The following PKIB variants were observed in gnomAD, a reference collection of about 807,000 sequenced individuals.
The protein encoded by PKIB is cAMP-dependent protein kinase inhibitor beta.
A neutral mutation model predicts 4.5 loss-of-function variants in PKIB; 2 were observed. The ratio of observed to expected loss-of-function variants is 0.44; its 90% CI spans 0.18 to 1.39. PKIB has a LOEUF of 1.39. Among genes scored for constraint, PKIB ranks in the 40% most tolerant of loss-of-function variants. The pLI, the probability that PKIB is intolerant of heterozygous loss-of-function variation, is 0.27. For synonymous variants in PKIB, 38 were observed against 36.0 expected (o/e 1.06, Z -0.20); for missense variants, 94 against 92.6 (o/e 1.02, Z -0.06).
At chr6:122,713,191 C>T (rs1179032998) in intron 3 of PKIB, among the ~76,000 whole-genome samples, 3 of 152,032 alleles carry the variant, frequency 2.0e-5, no homozygotes, top group Non-Finnish European at 2.9e-5. Flanking sequence ...ACGTAAATTG[C>T]GTTACCTTGC....
intron 2 of PKIB, among the ~76,000 whole-genome samples, chr6:122,566,681 C>A (rs1178478934): frequency 6.6e-6 from 1 of 151,484 alleles, no homozygotes; most frequent in Non-Finnish European, 1.5e-5. Flanking sequence ...TTCTCTTTAT[C>A]CCCCTGCACA....
chr6:122,521,184 T>C (rs1367777811), intron 2 of PKIB, among the ~76,000 whole-genome samples: 1 of 152,204 alleles, frequency 6.6e-6, no homozygotes, highest in Non-Finnish European at 1.5e-5. Flanking sequence ...TTCGGAAAAC[T>C]TAGTGGATCG....
chr6:122,659,561 A>T (rs1253196503), intron 2 of PKIB, among the ~76,000 whole-genome samples: 1 of 152,196 alleles, frequency 6.6e-6, no homozygotes, highest in African/African-American at 2.4e-5. Flanking sequence ...TTTCCTTTCA[A>T]ACAGTGAAAC....
chr6:122,603,131 T>G (rs1053986915), intron 3 of PKIB, among the ~76,000 whole-genome samples: 2 of 152,112 alleles, frequency 1.3e-5, no homozygotes, highest in African/African-American at 4.8e-5. Context: ...TATGGTTAAA[T>G]TAGAGTTTAT....
chr6:122,582,630 GTTC>G (rs1013860215), intron 2 of PKIB, among the ~76,000 whole-genome samples: 1 of 152,018 alleles, frequency 6.6e-6, no homozygotes. Context: ...TCTATCCTAT[GTTC>G]TTATAACAGA....
At chr6:122,572,614 A>G (rs548247162) in intron 2 of PKIB, among the ~76,000 whole-genome samples, 1 of 152,062 alleles carries the variant, frequency 6.6e-6, no homozygotes, top group South Asian at 2.1e-4. Context: ...AGAAGGAAAA[A>G]AAAAACAAAG....
At chr6:122,556,175 C>G (rs964479995) in intron 2 of PKIB, among the ~76,000 whole-genome samples, 41 of 152,144 alleles carry the variant, frequency 2.7e-4, no homozygotes, top group African/African-American at 9.9e-4. Flanking sequence ...AGGGCTTTTC[C>G]TGCCTTTGCT....
chr6:122,599,453 G>A lies in PKIB; in HGVS notation c.-161+13446G>A, dbSNP rs117467473. ...ATTTTTCATTGCAGGTCAGCCACTCGCACGATAAGAGCTTATATCTGTTTT... is the reference window on the plus strand; with the variant it reads ...ATTTTTCATTGCAGGTCAGCCACTCACACGATAAGAGCTTATATCTGTTTT... On this transcript the variant is annotated intron_variant, in intron 3 of 6. Coordinates refer to the PKIB transcript ENST00000392491. Among the ~76,000 whole-genome samples the A allele has an allele frequency of 2.0e-3, 310 of 152,200 alleles. 7 individuals carry two copies. In the East Asian group the frequency reaches 0.041, roughly 20 times the overall value.
chr6:122,691,987 C>T (rs1778375659), intron 3 of PKIB, among the ~76,000 whole-genome samples: 1 of 152,182 alleles, frequency 6.6e-6, no homozygotes, highest in Non-Finnish European at 1.5e-5. Context: ...CAGAAGAATA[C>T]TCTGTATTAC....
chr6:122,484,765 C>G (rs1330584986), intron 2 of PKIB, among the ~76,000 whole-genome samples: 1 of 152,174 alleles, frequency 6.6e-6, no homozygotes, highest in Non-Finnish European at 1.5e-5. Flanking sequence ...TAGGAAAACA[C>G]TATTAAAATG....
At chr6:122,507,780 G>A (rs748842399) in intron 2 of PKIB, among the ~76,000 whole-genome samples, 11 of 151,184 alleles carry the variant, frequency 7.3e-5, no homozygotes, top group Admixed American at 2.0e-4. Flanking sequence ...CCTCTTTCCC[G>A]TGTAATAACT....
chr6:122,662,169 A>T (rs1461634675), intron 2 of PKIB, among the ~76,000 whole-genome samples: 1 of 151,812 alleles, frequency 6.6e-6, no homozygotes, highest in Non-Finnish European at 1.5e-5. Flanking sequence ...TGATGGTGTC[A>T]TTTGGTGCAC....
chr6:122,710,643 A>T (rs1224067870), intron 3 of PKIB, among the ~76,000 whole-genome samples: 2 of 152,126 alleles, frequency 1.3e-5, no homozygotes, highest in Non-Finnish European at 2.9e-5. Context: ...CTATCCTGGA[A>T]TTAAGCGCTG....
chr6:122,506,095 C>G (rs1776388256), intron 2 of PKIB, among the ~76,000 whole-genome samples: 1 of 151,862 alleles, frequency 6.6e-6, no homozygotes, highest in Non-Finnish European at 1.5e-5. Flanking sequence ...ATTTTTGTGA[C>G]CATATGAATG....
chr6:122,691,185 C>A (rs946572296), intron 3 of PKIB, among the ~76,000 whole-genome samples: 3 of 151,900 alleles, frequency 2.0e-5, no homozygotes, highest in African/African-American at 7.3e-5. Context: ...GTTAAATATT[C>A]TTGATATTCT....
At chr6:122,665,369 T>C (rs1223384718) in intron 2 of PKIB, among the ~76,000 whole-genome samples, 1 of 152,226 alleles carries the variant, frequency 6.6e-6, no homozygotes, top group East Asian at 1.9e-4. Context: ...TATTTCAAAT[T>C]ATTTTCTTAG....
chr6:122,626,100 A>ATAGATAGATAGATAGATAGAGG (rs1775433014), intron 1 of PKIB, among the ~76,000 whole-genome samples: 1 of 151,682 alleles, frequency 6.6e-6, no homozygotes, highest in South Asian at 2.1e-4. Flanking sequence ...ATAGATAGAG[A>ATAGATAGATAGATAGATAGAGG]TAGATTAGAA....
chr6:122,546,537 T>C (rs1189562120), intron 2 of PKIB, among the ~76,000 whole-genome samples: 1 of 152,098 alleles, frequency 6.6e-6, no homozygotes, highest in African/African-American at 2.4e-5. Context: ...ATTTTAAAAT[T>C]ACATGTAGAC....
chr6:122,530,547 C>A (rs779004457), intron 2 of PKIB, among the ~76,000 whole-genome samples: 10 of 152,056 alleles, frequency 6.6e-5, no homozygotes, highest in Non-Finnish European at 1.5e-4. Context: ...AAAACAACCA[C>A]CCTCTCCCAG....
Sources: gnomAD v4.1 joint callset for allele counts (sites outside exome capture counted in the v4.1 genomes callset) on GRCh38, gnomAD v4.1.1 for gene constraint, MANE v1.5 for transcripts, NCBI Gene and HGNC (gene_info 2026-07-23, HGNC 2026-07-21) for gene names.